Variants in SUPT6H observed in about 807,000 individuals in gnomAD.
The protein encoded by SUPT6H is SPT6 homolog, histone chaperone and transcription elongation factor.
In SUPT6H, 11 loss-of-function variants were observed where a neutral mutation model predicts 222.3. The ratio of observed to expected loss-of-function variants is 0.05; its 90% CI spans 0.03 to 0.08. The LOEUF (loss-of-function observed/expected upper bound fraction) is 0.08, where lower values mean the gene tolerates loss of function less well. Ranked by LOEUF, SUPT6H falls within the 10% of genes least tolerant of loss-of-function variation. SUPT6H has a pLI of 1.00. For synonymous variants in SUPT6H, 762 were observed against 801.2 expected (o/e 0.95, Z 0.83); for missense variants, 1,422 against 2,216.0 (o/e 0.64, Z 7.19).
intron 27 of SUPT6H, among the ~76,000 whole-genome samples, chr17:28,692,046 G>A (rs561487084): frequency 6.6e-5 from 10 of 151,568 alleles, no homozygotes; most frequent in South Asian, 2.1e-4. Flanking sequence ...GGGGCTGGCC[G>A]GGCGCGGTGG....
chr17:28,686,305 A>G (rs1305725034), intron 19 of SUPT6H, 34 bp from the exon 20 acceptor site: 3 of 1,591,636 alleles, frequency 1.9e-6, no homozygotes, highest in Admixed American at 3.3e-5. Flanking sequence ...TTACATCCTC[A>G]GAGCCATTCA....
Position 28,683,835 on chromosome 17 carries a change from GA to G in SUPT6H, c.2229+20del, listed in dbSNP as rs2031244840. ...CATAAAGGTGAGGACAGAGACTCAT[GA>G]TTTTTTTTTTTTTTTTGGTGACAGA... On this transcript the variant is annotated intron_variant, in intron 17 of 36. Coordinates refer to ENST00000314616, the MANE Select transcript of SUPT6H (RefSeq NM_003170.5). 1 of 1,499,982 alleles carries G rather than the reference GA, an allele frequency of 6.7e-7. No individual in the cohort carries two copies. Among genetic ancestry groups the G allele is most frequent in the Non-Finnish European group, 9.0e-7 (1 of 1,111,982 alleles). 92.9% of individuals were successfully genotyped at this position (1,499,982 alleles called of 1,614,324 possible).
rs898974303 is a variant in SUPT6H at position 28,675,500 on chromosome 17, G to T, written c.623+15G>T. The T allele has an allele frequency of 6.2e-7, 1 of 1,613,810 alleles. No homozygotes were observed. Among genetic ancestry groups the T allele is most frequent in the East Asian group, 2.2e-5 (1 of 44,880 alleles). On this transcript the variant is annotated intron_variant, in intron 6 of 36. Coordinates refer to ENST00000314616, the MANE Select transcript of SUPT6H (RefSeq NM_003170.5). ...TACACAGACGCGTGAGTGGGGTCTG[G>T]TACAAGGTGGGGATAAAGTGATTGA...
intron 27 of SUPT6H, 45 bp from the exon 28 acceptor site, chr17:28,693,651 T>G: frequency 6.2e-7 from 1 of 1,609,634 alleles, no homozygotes; most frequent in Non-Finnish European, 8.5e-7. Flanking sequence ...ATGAGCGATC[T>G]CCAGAATATT....
At chr17:28,685,551 A>C (rs1207627525) in intron 19 of SUPT6H, among the ~76,000 whole-genome samples, 2 of 151,644 alleles carry the variant, frequency 1.3e-5, no homozygotes, top group Non-Finnish European at 2.9e-5. Flanking sequence ...GCGCAGTGGC[A>C]AGAACTCACC....
chr17:28,698,175 G>C, intron 32 of SUPT6H, 145 bp downstream of exon 32: 1 of 1,221,494 alleles, frequency 8.2e-7, no homozygotes, highest in East Asian at 2.7e-5. Flanking sequence ...GAGGTTGGAG[G>C]TGGGAAAAGA....
Position 28,678,094 on chromosome 17 carries a change from G to T in SUPT6H, c.1018G>T (p.Asp340Tyr). ...ISLQESCDYL[D>Y]RGQPASSFSR... ...ACTGTAGGAAAGCTGTGATTACCTA[G>T]ACCGAGGGCAGCCAGCCAGCAGCTT... is the stretch of plus-strand genomic sequence containing the variant. Residue 340 changes from aspartate (D) to tyrosine (Y), a missense_variant, in exon 9 of 37, where the codon GAC becomes TAC. This residue lies in a region of SUPT6H where 389 missense variants were observed against 544.6 expected (regional missense o/e 0.71). Coordinates refer to ENST00000314616, the MANE Select transcript of SUPT6H (RefSeq NM_003170.5). The T allele has an allele frequency of 6.2e-7, 1 of 1,613,282 alleles. No homozygotes were observed. The highest frequency in any genetic ancestry group is 1.1e-5 in the South Asian group (1 of 90,846).
intron 1 of SUPT6H, chr17:28,671,077 A>G (rs534213303): frequency 6.6e-6 from 1 of 152,084 alleles, no homozygotes; most frequent in Non-Finnish European, 1.5e-5. Context: ...TCTCAAGTTC[A>G]TTGGTTATAG....
intron 19 of SUPT6H, 28 bp from the exon 20 acceptor site, chr17:28,686,311 A>G: frequency 6.2e-7 from 1 of 1,605,910 alleles, no homozygotes; most frequent in South Asian, 1.1e-5. Context: ...CCTCAGAGCC[A>G]TTCAGCTTCA....
chr17:28,676,476 T>C (rs2030753049), intron 7 of SUPT6H, 46 bp downstream of exon 7: 1 of 1,608,190 alleles, frequency 6.2e-7, no homozygotes, highest in Non-Finnish European at 8.5e-7. Context: ...CATAATTACC[T>C]TGTAGCCAAG....
chr17:28,688,405 A>C lies in SUPT6H; in HGVS notation c.3134+187A>C, dbSNP rs2031496695. On this transcript the variant is annotated intron_variant, in intron 24 of 36. Coordinates refer to ENST00000314616, the MANE Select transcript of SUPT6H (RefSeq NM_003170.5). This position sits in a 1 kb window ranked among gnomAD's most constrained non-coding sequence, Gnocchi z 4.3. ...GGAAAAGATCGGTTCAATCATGTGA[A>C]ACATTTTTCGTGTGAGAGAAACATA... The C allele has an allele frequency of 1.8e-6, 1 of 558,076 alleles. No homozygotes were observed. Among genetic ancestry groups the C allele is most frequent in the South Asian group, 5.3e-5 (1 of 18,720 alleles). 34.6% of individuals were successfully genotyped at this position (558,076 alleles called of 1,614,324 possible). A position where few individuals can be genotyped will look rare whatever the true frequency, so the allele number is the denominator to read the frequency against.
chr17:28,682,246 C>T, intron 13 of SUPT6H: 1 of 405,312 alleles, frequency 2.5e-6, no homozygotes, highest in Non-Finnish European at 4.5e-6. Context: ...GTTTCTTCTG[C>T]CTTATAACAG....
Position 28,683,337 on chromosome 17 carries a change from G to A in SUPT6H, c.1948G>A (p.Asp650Asn). 6.2e-7 allele frequency: 1 copy of A among 1,614,210 alleles called. No homozygotes were observed. Among genetic ancestry groups the A allele is most frequent in the Admixed American group, 1.7e-5 (1 of 60,024 alleles). ...LKNKPVKELR[D>N]DQFLKICLAE... is the part of the protein sequence containing the mutation. ...GAACAAGCCTGTTAAGGAACTGAGA[G>A]ATGACCAGTTTCTCAAGATATGCCT... The change falls in exon 16 of 37, where the codon GAT becomes AAT. Residue 650 changes from aspartate to asparagine, a missense_variant. Coordinates refer to ENST00000314616, the MANE Select transcript of SUPT6H (RefSeq NM_003170.5).
At position 28,701,848 on chromosome 17, in the gene SUPT6H, G is replaced by T; in HGVS notation, c.*223G>T. 1.9e-6 allele frequency: 1 copy of T among 536,706 alleles called. No individual in the cohort carries two copies. The highest frequency in any genetic ancestry group is 2.9e-5 in the East Asian group (1 of 34,352). The allele number at this position is 536,706 out of a possible 1,614,324, so 33.2% of individuals were successfully genotyped here. Reference sequence around the variant, plus strand: ...CGCTCCAGACCCTCACCGACCACCTGTCCTGGGACCAGGCTGGGAGGGGAG... The same window carrying T: ...CGCTCCAGACCCTCACCGACCACCTTTCCTGGGACCAGGCTGGGAGGGGAG... On this transcript the variant is annotated 3_prime_UTR_variant, in exon 37 of 37. Coordinates refer to ENST00000314616, the MANE Select transcript of SUPT6H (RefSeq NM_003170.5).
rs893012014 is a variant in SUPT6H at position 28,681,495 on chromosome 17, G to A, written c.1498+91G>A. ...CCAGCATTTTCAGATGCTAAGGTGGGTGGATCACCTGAGGTCAGGAGTTCG... is the reference window on the plus strand; with the variant it reads ...CCAGCATTTTCAGATGCTAAGGTGGATGGATCACCTGAGGTCAGGAGTTCG... On this transcript the variant is annotated intron_variant, in intron 12 of 36. Transcript: ENST00000314616. The A allele has an allele frequency of 6.6e-5, 96 of 1,445,254 alleles. 1 individual carries two copies. The highest frequency in any genetic ancestry group is 8.6e-5 in the Non-Finnish European group (93 of 1,084,962). The allele number at this position is 1,445,254 out of a possible 1,614,324, so 89.5% of individuals were successfully genotyped here.
chr17:28,685,885 G>A (rs1296934882), intron 19 of SUPT6H, among the ~76,000 whole-genome samples: 2 of 152,220 alleles, frequency 1.3e-5, no homozygotes, highest in African/African-American at 4.8e-5. Context: ...AGGAGGACAT[G>A]CAGGAGTGTG....
chr17:28,695,300 A>G (rs1226915352), intron 28 of SUPT6H, 52 bp from the exon 29 acceptor site: 4 of 1,561,556 alleles, frequency 2.6e-6, no homozygotes, highest in African/African-American at 1.3e-5. Context: ...GAAATAGGGC[A>G]TCGGGCTAGA....
chr17:28,664,285 A>C (rs1314504192), intron 1 of SUPT6H, among the ~76,000 whole-genome samples: 1 of 152,142 alleles, frequency 6.6e-6, no homozygotes, highest in Non-Finnish European at 1.5e-5. Context: ...AGGTGGGCAG[A>C]TCACTTGAGG....
intron 1 of SUPT6H, among the ~76,000 whole-genome samples, chr17:28,667,162 G>A (rs1485650683): frequency 1.3e-5 from 2 of 149,274 alleles, no homozygotes; most frequent in African/African-American, 4.9e-5. Flanking sequence ...TCAGGAGATT[G>A]AGACTATCCT....
Sources: allele counts gnomAD v4.1 joint callset (sites outside exome capture counted in the v4.1 genomes callset), GRCh38; gene constraint gnomAD v4.1.1; regional missense constraint gnomAD v4.1.1; non-coding constraint Gnocchi (gnomAD v3.1); transcripts MANE v1.5; gene names NCBI Gene and HGNC (gene_info 2026-07-23, HGNC 2026-07-21).